Variants in TENM1 observed in about 807,000 individuals in gnomAD.
The protein encoded by TENM1 is teneurin-1.
Under a neutral mutation model 174.8 loss-of-function variants are expected in TENM1, and 35 were observed. That is an observed-to-expected ratio of 0.20 (90% CI 0.15 to 0.27). The LOEUF is 0.27. Ranked by LOEUF, TENM1 falls within the 10% of genes least tolerant of loss-of-function variation. TENM1 has a pLI of 1.00. For synonymous variants in TENM1, 781 were observed against 798.7 expected, an observed-to-expected ratio of 0.98 and a Z score of 0.37; for missense variants, 1,633 against 2,130.1, an observed-to-expected ratio of 0.77 and a Z score of 4.59.
At chrX:124,809,612 T>C (rs1030643031) in intron 3 of TENM1, among the ~76,000 whole-genome samples, 1 of 111,320 alleles carries the variant, frequency 9.0e-6, no homozygotes, top group Non-Finnish European at 1.9e-5. Flanking sequence ...AGAAAAAGCA[T>C]TTGGCACATC....
intron 1 of TENM1, among the ~76,000 whole-genome samples, chrX:124,898,861 ACT>A (rs1434161158): frequency 8.9e-6 from 1 of 112,249 alleles, no homozygotes; most frequent in African/African-American, 3.2e-5. Context: ...GCCTACAAAG[ACT>A]GACTCATAAA....
At chrX:125,030,202 T>C in the TENM1 span, among the ~76,000 whole-genome samples, 3 of 112,057 alleles carry the variant, frequency 2.7e-5, no homozygotes, top group African/African-American at 9.7e-5. Context: ...AGAATCGCAA[T>C]TGGCTAGACA....
the TENM1 span, among the ~76,000 whole-genome samples, chrX:125,190,020 T>G: frequency 8.9e-6 from 1 of 111,876 alleles, no homozygotes; most frequent in Non-Finnish European, 1.9e-5. Context: ...TCGCTATATA[T>G]GCTTTGAAAC....
At chrX:124,460,923 T>C (rs1486857064) in intron 22 of TENM1, among the ~76,000 whole-genome samples, 1 of 111,541 alleles carries the variant, frequency 9.0e-6, no homozygotes, top group East Asian at 2.8e-4. Context: ...GTTTTGTGTA[T>C]GGGTATTATC....
chrX:125,134,874 G>T, the TENM1 span, among the ~76,000 whole-genome samples: 1 of 111,633 alleles, frequency 9.0e-6, no homozygotes, highest in Non-Finnish European at 1.9e-5. Context: ...AGTACCTCAT[G>T]GTAGTGGATG....
the TENM1 span, among the ~76,000 whole-genome samples, chrX:125,156,338 G>C: frequency 9.0e-6 from 1 of 111,651 alleles, no homozygotes; most frequent in Middle Eastern, 4.2e-3. Context: ...GGGGTTTGCT[G>C]TACAGATTAT....
Position 124,511,018 on chromosome X carries a change from C to T in TENM1, c.3302-7315G>A, listed in dbSNP as rs191609905. Among the ~76,000 whole-genome samples the T allele has an allele frequency of 5.4e-5, 6 of 111,829 alleles. No homozygotes were observed. The East Asian group carries it at 1.7e-3, about 31-fold the overall frequency. On this transcript the variant is annotated intron_variant, in intron 18 of 31. Transcript: ENST00000422452. Reference sequence around the variant, plus strand: ...TTGCTTATGAAAGTATTAGTGAAGGCCATTTGAAAACCTTGGTAGGAACTC... The same window carrying T: ...TTGCTTATGAAAGTATTAGTGAAGGTCATTTGAAAACCTTGGTAGGAACTC...
chrX:124,797,550 T>C (rs2055333670), intron 3 of TENM1, among the ~76,000 whole-genome samples: 1 of 111,502 alleles, frequency 9.0e-6, no homozygotes, highest in South Asian at 3.8e-4. Flanking sequence ...TATTTTTCCC[T>C]GGAAACATAA....
At chrX:124,395,038 G>A (rs1386221581) in intron 27 of TENM1, among the ~76,000 whole-genome samples, 1 of 111,601 alleles carries the variant, frequency 9.0e-6, no homozygotes, top group Non-Finnish European at 1.9e-5. Context: ...CATGTTAAAA[G>A]ACCCCTGATG....
chrX:124,487,250 A>AT (rs2046971909), intron 20 of TENM1, 21 bp from the exon 24 acceptor site: 2 of 1,162,891 alleles, frequency 1.7e-6, no homozygotes. Flanking sequence ...CAAGGTATCC[A>AT]CGAGTGGCAA....
At chrX:124,396,304 C>CTTTTTTTTTTTT (rs1257692658) in intron 27 of TENM1, among the ~76,000 whole-genome samples, 890 of 70,346 alleles carry the variant, frequency 0.013, 106 homozygotes, top group African/African-American at 0.03. Context: ...CTCTCCCAAC[C>CTTTTTTTTTTTT]TTTTTTTTTT....
chrX:125,195,753 C>T, the TENM1 span, among the ~76,000 whole-genome samples: 1 of 109,938 alleles, frequency 9.1e-6, no homozygotes, highest in Non-Finnish European at 1.9e-5. Context: ...TAGCCCCTAC[C>T]CAAGATAACT....
intron 11 of TENM1, among the ~76,000 whole-genome samples, chrX:124,594,514 C>G (rs778406956): frequency 9.0e-6 from 1 of 111,387 alleles, no homozygotes; most frequent in East Asian, 2.8e-4. Flanking sequence ...GGTGAGGTCC[C>G]TCTTCCAGAT....
the TENM1 span, among the ~76,000 whole-genome samples, chrX:125,070,182 G>A: frequency 7.6e-5 from 8 of 104,900 alleles, no homozygotes; most frequent in Admixed American, 1.0e-4. Flanking sequence ...CAGAGACCCC[G>A]TGTCCAAGTA....
At chrX:124,910,531 G>T (rs2057819881) in intron 1 of TENM1, among the ~76,000 whole-genome samples, 1 of 111,849 alleles carries the variant, frequency 8.9e-6, no homozygotes, top group Non-Finnish European at 1.9e-5. Context: ...ACCTTGGGGG[G>T]AAAAAGCACA....
chrX:124,380,230 A>G (rs2060141265), exon 32 of TENM1: 1 of 206,544 alleles, frequency 4.8e-6, no homozygotes, highest in East Asian at 9.9e-5. Flanking sequence ...CTTTCTGGAT[A>G]TTGGAACATA....
intron 27 of TENM1, among the ~76,000 whole-genome samples, chrX:124,400,173 G>T (rs1199013013): frequency 9.0e-6 from 1 of 111,474 alleles, no homozygotes; most frequent in Non-Finnish European, 1.9e-5. Flanking sequence ...CTCCAGTCAG[G>T]CTCCTTATCT....
intron 3 of TENM1, among the ~76,000 whole-genome samples, chrX:124,837,903 T>C (rs1481941506): frequency 8.9e-6 from 1 of 112,527 alleles, no homozygotes; most frequent in Non-Finnish European, 1.9e-5. Context: ...ACATTTTTCA[T>C]TTTATGAACA....
chrX:124,801,406 T>C (rs1044067184), intron 3 of TENM1, among the ~76,000 whole-genome samples: 7 of 111,855 alleles, frequency 6.3e-5, no homozygotes, highest in African/African-American at 2.3e-4. Flanking sequence ...GAGACTAGGA[T>C]TGCAATCCCT....
Sources: gnomAD v4.1 joint callset for allele counts (sites outside exome capture counted in the v4.1 genomes callset) on GRCh38, gnomAD v4.1.1 for gene constraint, MANE v1.5 for transcripts, NCBI Gene and HGNC (gene_info 2026-07-23, HGNC 2026-07-21) for gene names.